EPHA7: variants seen among roughly 807,000 people sequenced by gnomAD.
EPHA7 encodes EPH receptor A7, also known as ephrin type-A receptor 7.
Under a neutral mutation model 112.6 loss-of-function variants are expected in EPHA7, and 25 were observed. The observed-to-expected ratio is 0.22, with a 90% CI of 0.16 to 0.31. The LOEUF (loss-of-function observed/expected upper bound fraction) is 0.31. Among genes scored for constraint, EPHA7 ranks in the 10% least tolerant of loss-of-function variants. The pLI is 1.00. For synonymous variants in EPHA7, 437 were observed against 406.5 expected (o/e 1.07, Z -0.90); for missense variants, 962 against 1,212.6 (o/e 0.79, Z 3.07).
intron 5 of EPHA7, among the ~76,000 whole-genome samples, chr6:93,314,341 TCATCCTTATTA>T (rs1773690067): frequency 6.6e-6 from 1 of 152,218 alleles, no homozygotes; most frequent in South Asian, 2.1e-4. Context: ...AGCATAGTAA[TCATCCTTATTA>T]CTATTGTGAT....
At chr6:93,382,250 G>A (rs1260871064) in intron 3 of EPHA7, among the ~76,000 whole-genome samples, 2 of 152,078 alleles carry the variant, frequency 1.3e-5, no homozygotes, top group Admixed American at 6.6e-5. Context: ...CTGGGTAGAA[G>A]GGATGTTTTC....
At chr6:93,314,022 C>G (rs1451942197) in intron 5 of EPHA7, among the ~76,000 whole-genome samples, 1 of 152,012 alleles carries the variant, frequency 6.6e-6, no homozygotes, top group African/African-American at 2.4e-5. Flanking sequence ...CATCTTTCTT[C>G]TCGTTTTCAA....
chr6:93,348,112 A>T (rs1395922267), intron 5 of EPHA7, among the ~76,000 whole-genome samples: 1 of 151,812 alleles, frequency 6.6e-6, no homozygotes, highest in African/African-American at 2.4e-5. Context: ...ACAAATATTA[A>T]CCATATCAGA....
intron 13 of EPHA7, 48 bp downstream of exon 13, chr6:93,255,780 G>A (rs769089247): frequency 1.1e-5 from 16 of 1,522,010 alleles, no homozygotes; most frequent in Non-Finnish European, 1.4e-5. Flanking sequence ...TTTCGTGGTA[G>A]AAAAATCTTA....
In EPHA7 at chr6:93,254,722, T is replaced by C. The variant is rs753720377; in HGVS notation, c.2457A>G (p.Val819=). 4.3e-6 allele frequency: 7 copies of C among 1,613,700 alleles called. No homozygotes were observed. In the South Asian group the frequency reaches 4.4e-5, roughly 10 times the overall value. The change falls in exon 14 of 17, where the codon GTA becomes GTG. Residue 819 remains valine (V), a synonymous_variant. Transcript: ENST00000369303. ...CCCACATGACTATTCCATAGCTCCATACATCACTGGCTGATGTGAATTTCC... is the reference window on the plus strand; with the variant it reads ...CCCACATGACTATTCCATAGCTCCACACATCACTGGCTGATGTGAATTTCC... ...QYRKFTSASD[V]WSYGIVMWEV... is the part of the protein sequence containing the mutation.
At chr6:93,402,659 C>T (rs1582674878) in intron 3 of EPHA7, among the ~76,000 whole-genome samples, 1 of 151,968 alleles carries the variant, frequency 6.6e-6, no homozygotes, top group East Asian at 1.9e-4. Flanking sequence ...TATGTAATTT[C>T]CCACTTACAG....
At chr6:93,277,674 T>C (rs979061052) in intron 5 of EPHA7, among the ~76,000 whole-genome samples, 1 of 152,012 alleles carries the variant, frequency 6.6e-6, no homozygotes, top group African/African-American at 2.4e-5. Context: ...TGATGTTTTT[T>C]CAAAATTAAA....
chr6:93,301,033 G>C, intron 5 of EPHA7, among the ~76,000 whole-genome samples: 1 of 152,076 alleles, frequency 6.6e-6, no homozygotes, highest in African/African-American at 2.4e-5. Context: ...AAAAGGCAGA[G>C]TAAACATATG....
Position 93,269,648 on chromosome 6 carries a change from G to A in EPHA7, c.1462C>T (p.Arg488Trp), listed in dbSNP as rs139833485. The change falls in exon 7 of 17, where the codon CGG (arginine) becomes TGG (tryptophan). Residue 488 changes from arginine (R) to tryptophan (W), a missense_variant. This residue lies in a region of EPHA7 where 746 missense variants were observed against 889.2 expected (regional missense o/e 0.84). Transcript: ENST00000369303. ...IKYYEKDQRE[R>W]TYSTVKTKST... ...TTGGTTTTTACTGTTGAGTAGGTCC[G>A]TTCCCTTTGATCCTAGAAACAATAT... The A allele has an allele frequency of 1.4e-5, 21 of 1,538,410 alleles. 1 individual carries two copies. The highest frequency in any genetic ancestry group is 4.7e-5 in the East Asian group (2 of 42,266).
chr6:93,355,078 G>A (rs1296550041), intron 5 of EPHA7, among the ~76,000 whole-genome samples: 4 of 152,022 alleles, frequency 2.6e-5, no homozygotes, highest in African/African-American at 7.2e-5. Context: ...AACAACGCAA[G>A]TGGAACTATC....
chr6:93,245,030 A>G (rs1769883613), intron 16 of EPHA7, among the ~76,000 whole-genome samples: 2 of 152,192 alleles, frequency 1.3e-5, no homozygotes. Context: ...AAATATTTAA[A>G]TTTTCTGAAC....
intron 5 of EPHA7, among the ~76,000 whole-genome samples, chr6:93,335,741 T>G (rs1418642948): frequency 6.6e-6 from 1 of 152,104 alleles, no homozygotes; most frequent in Non-Finnish European, 1.5e-5. Context: ...GAATCCTTAT[T>G]AGCTTCTTAT....
chr6:93,254,526 T>C (rs1770351657), intron 14 of EPHA7, 121 bp downstream of exon 14: 2 of 669,882 alleles, frequency 3.0e-6, no homozygotes, highest in South Asian at 4.7e-5. Flanking sequence ...GTAGTAATTG[T>C]GGAAAACTGT....
intron 3 of EPHA7, among the ~76,000 whole-genome samples, chr6:93,369,637 TC>T (rs1471643793): frequency 6.6e-6 from 1 of 152,182 alleles, no homozygotes; most frequent in Non-Finnish European, 1.5e-5. Flanking sequence ...CACCACTATG[TC>T]ATTCACACTG....
At chr6:93,326,722 G>T (rs531809184) in intron 5 of EPHA7, among the ~76,000 whole-genome samples, 1 of 120,384 alleles carries the variant, frequency 8.3e-6, no homozygotes, top group Non-Finnish European at 1.7e-5. Flanking sequence ...TCTGTGAACA[G>T]AGGAATCTTG....
intron 5 of EPHA7, among the ~76,000 whole-genome samples, chr6:93,273,730 G>A (rs1200024005): frequency 6.6e-6 from 1 of 151,888 alleles, no homozygotes; most frequent in Admixed American, 6.6e-5. Context: ...TTTCAATGAA[G>A]CTAATTTCTA....
intron 7 of EPHA7, among the ~76,000 whole-genome samples, chr6:93,266,866 T>C (rs1440976483): frequency 6.6e-6 from 1 of 151,776 alleles, no homozygotes; most frequent in Non-Finnish European, 1.5e-5. Context: ...TGTGCCTCCT[T>C]AATTCTTAGC....
rs1211071817 is a variant in EPHA7, at chr6:93,371,112, C to A, written c.833-12701G>T. Among the ~76,000 whole-genome samples, 4 of 151,416 alleles carry A rather than the reference C, an allele frequency of 2.6e-5. No individual in the cohort carries two copies. In the East Asian group the frequency reaches 7.8e-4, roughly 29 times the overall value. ...CCAGGAGGCGGAGCTTGCAGTGAGC[C>A]CAGATCGCGCCACTGCACTCCAGCC... is the stretch of plus-strand genomic sequence containing the variant. On this transcript the variant is annotated intron_variant, in intron 3 of 16. Coordinates refer to ENST00000369303, the MANE Select transcript of EPHA7 (RefSeq NM_004440.4).
rs202196550 is a variant in EPHA7, at chr6:93,296,479, TAC to T, written c.1325-24059_1325-24058del. On this transcript the variant is annotated intron_variant, in intron 5 of 16. Transcript: ENST00000369303. ...AATATATATATATGTATATATATAA[TAC>T]ACACACACACACAGAATATTATTCA... is the stretch of plus-strand genomic sequence containing the variant. Among the ~76,000 whole-genome samples, 246 of 145,774 alleles carry T rather than the reference TAC, an allele frequency of 1.7e-3. 2 individuals carry two copies. Among genetic ancestry groups the T allele is most frequent in the African/African-American group, 5.4e-3 (219 of 40,234 alleles).
Sources: gnomAD v4.1 joint callset for allele counts (sites outside exome capture counted in the v4.1 genomes callset) on GRCh38, gnomAD v4.1.1 for gene constraint, gnomAD v4.1.1 regional missense constraint, MANE v1.5 for transcripts, NCBI Gene and HGNC (gene_info 2026-07-23, HGNC 2026-07-21) for gene names.